Variants in RBM46 observed in about 807,000 individuals in gnomAD.
The protein encoded by RBM46 is probable RNA-binding protein 46.
Under a neutral mutation model 43.3 loss-of-function variants are expected in RBM46, and 12 were observed. That is an observed-to-expected ratio of 0.28 (90% CI 0.18 to 0.45). The LOEUF (loss-of-function observed/expected upper bound fraction) is 0.45, where lower values mean the gene tolerates loss of function less well. Among genes scored for constraint, RBM46 ranks in the 20% least tolerant of loss-of-function variants. The pLI is 1.00. For synonymous variants in RBM46, 205 were observed against 207.6 expected (o/e 0.99, Z 0.11); for missense variants, 412 against 639.1 (o/e 0.64, Z 3.83).
intron 4 of RBM46, chr4:154,820,442 A>C: frequency 7.2e-7 from 1 of 1,386,256 alleles, no homozygotes; most frequent in Non-Finnish European, 9.8e-7. Context: ...TATTAGGTAA[A>C]ACTCTCTTAG....
At chr4:154,817,431 C>T (rs7690957) in intron 4 of RBM46, among the ~76,000 whole-genome samples, 24,512 of 150,046 alleles carry the variant, frequency 0.16, 2,580 homozygotes, top group East Asian at 0.43. Flanking sequence ...CTCCTGGGTT[C>T]AAGCAATTCT....
intron 1 of RBM46, among the ~76,000 whole-genome samples, chr4:154,785,357 G>C (rs1733710763): frequency 6.6e-6 from 1 of 151,750 alleles, no homozygotes; most frequent in Non-Finnish European, 1.5e-5. Context: ...TAATTGTAGA[G>C]ATGGGTTGGA....
chr4:154,795,895 C>T (rs1388714483), intron 1 of RBM46, among the ~76,000 whole-genome samples: 1 of 152,122 alleles, frequency 6.6e-6, no homozygotes, highest in Non-Finnish European at 1.5e-5. Flanking sequence ...CAGTGGCTCA[C>T]ATCTATAACC....
At chr4:154,782,938 A>T (rs1014345654) in intron 1 of RBM46, among the ~76,000 whole-genome samples, 5 of 152,172 alleles carry the variant, frequency 3.3e-5, no homozygotes, top group Non-Finnish European at 1.5e-5. Context: ...TAATGGGAAG[A>T]TATTTTCGTT....
chr4:154,820,479 C>A, intron 4 of RBM46: 3 of 951,534 alleles, frequency 3.2e-6, no homozygotes, highest in South Asian at 1.9e-5. Flanking sequence ...ATTTAATTGT[C>A]AGAAAACCAG....
chr4:154,820,147 A>C (rs1735658075), intron 4 of RBM46, among the ~76,000 whole-genome samples: 1 of 152,028 alleles, frequency 6.6e-6, no homozygotes, highest in East Asian at 1.9e-4. Context: ...TATTAATCAT[A>C]ATTTTCATTC....
In RBM46 at chr4:154,814,496, A is replaced by G. The variant is rs556833017; in HGVS notation, c.1403-13372A>G. Among the ~76,000 whole-genome samples the G allele has an allele frequency of 2.6e-5, 4 of 152,140 alleles. 1 individual carries two copies. In the South Asian group the frequency reaches 6.2e-4, roughly 24 times the overall value. On this transcript the variant is annotated intron_variant, in intron 4 of 4. Coordinates refer to ENST00000281722, the MANE Select transcript of RBM46 (RefSeq NM_144979.5). ...TGCTTTTGTTGTGAGAATGATCACC[A>G]TCTCTTCTATATGCCGACAGAAATT...
intron 1 of RBM46, among the ~76,000 whole-genome samples, chr4:154,794,839 C>T (rs1734272408): frequency 6.6e-6 from 1 of 152,022 alleles, no homozygotes; most frequent in African/African-American, 2.4e-5. Context: ...GACCCATGTG[C>T]CCTATTCCTA....
intron 4 of RBM46, among the ~76,000 whole-genome samples, chr4:154,802,883 C>T (rs1734707060): frequency 6.6e-6 from 1 of 152,004 alleles, no homozygotes; most frequent in Admixed American, 6.6e-5. Flanking sequence ...TGATCTTTTA[C>T]TATCATATGT....
At chr4:154,806,753 CAATT>C (rs1381747933) in intron 4 of RBM46, among the ~76,000 whole-genome samples, 1 of 151,778 alleles carries the variant, frequency 6.6e-6, no homozygotes, top group Non-Finnish European at 1.5e-5. Flanking sequence ...ATTTGCTAAT[CAATT>C]ACTATAGCCA....
At chr4:154,823,041 TGAATG>T (rs1344716397) in intron 4 of RBM46, among the ~76,000 whole-genome samples, 1 of 151,856 alleles carries the variant, frequency 6.6e-6, no homozygotes, top group East Asian at 1.9e-4. Flanking sequence ...TATCAACTGA[TGAATG>T]GATAAACAAT....
chr4:154,799,047 C>T lies in RBM46; in HGVS notation c.885C>T (p.Cys295=). 6.2e-7 allele frequency: 1 copy of T among 1,613,982 alleles called. No individual in the cohort carries two copies. ...CCATGTCTGTTATGAATGGAAAATG[C>T]ATTGATGGAGCAAGTATTGAGGTAA... The part of the protein sequence containing the change: ...VAAMSVMNGK[C]IDGASIEVTL... Residue 295 remains cysteine, a synonymous_variant, in exon 4 of 5, where the codon TGC becomes TGT. Transcript: ENST00000281722.
intron 1 of RBM46, among the ~76,000 whole-genome samples, chr4:154,793,977 C>T (rs1173875153): frequency 1.2e-4 from 19 of 152,172 alleles, no homozygotes. Context: ...ACCAGTTCTA[C>T]TCAGTGTTCA....
chr4:154,810,262 A>G (rs1193804280), intron 4 of RBM46, among the ~76,000 whole-genome samples: 1 of 152,158 alleles, frequency 6.6e-6, no homozygotes, highest in Non-Finnish European at 1.5e-5. Context: ...TCAAATTAAT[A>G]TAACTCAAGG....
At chr4:154,822,377 G>T (rs887009716) in intron 4 of RBM46, among the ~76,000 whole-genome samples, 8 of 145,578 alleles carry the variant, frequency 5.5e-5, no homozygotes, top group Middle Eastern at 3.2e-3. Flanking sequence ...TCATTTTAAA[G>T]AAATTTCATT....
intron 1 of RBM46, among the ~76,000 whole-genome samples, chr4:154,785,189 GAT>G (rs966941392): frequency 2.6e-5 from 4 of 151,890 alleles, no homozygotes; most frequent in African/African-American, 7.3e-5. Context: ...GATTTCTTGA[GAT>G]GTACAAAGTC....
intron 1 of RBM46, among the ~76,000 whole-genome samples, chr4:154,792,123 T>A (rs1734123910): frequency 1.3e-5 from 2 of 152,204 alleles, no homozygotes; most frequent in Non-Finnish European, 2.9e-5. Context: ...AGCCCAGCAT[T>A]TGGGCAAACA....
chr4:154,814,954 C>G (rs1334725420), intron 4 of RBM46, among the ~76,000 whole-genome samples: 1 of 151,692 alleles, frequency 6.6e-6, no homozygotes, highest in Non-Finnish European at 1.5e-5. Flanking sequence ...TATAACTCAC[C>G]ACCGAGGTAA....
chr4:154,798,393 T>TC, intron 3 of RBM46, 115 bp downstream of exon 3: 1 of 678,342 alleles, frequency 1.5e-6, no homozygotes, highest in Non-Finnish European at 2.4e-6. Flanking sequence ...GAGTAAAGAA[T>TC]TGTTTGAGTA....
Sources: allele counts gnomAD v4.1 joint callset (sites outside exome capture counted in the v4.1 genomes callset), GRCh38; gene constraint gnomAD v4.1.1; transcripts MANE v1.5; gene names NCBI Gene and HGNC (gene_info 2026-07-23, HGNC 2026-07-21).